IGSF11: variants seen among roughly 807,000 people sequenced by gnomAD.
The protein encoded by IGSF11 is immunoglobulin superfamily member 11, also known as CXADR like 1.
A neutral mutation model predicts 41.0 loss-of-function variants in IGSF11; 22 were observed. The observed-to-expected ratio is 0.54, with a 90% confidence interval of 0.38 to 0.77. IGSF11 has a LOEUF of 0.77. Among genes scored for constraint, IGSF11 ranks in the 30% least tolerant of loss-of-function variants. The pLI is 0.00. For missense variants in IGSF11, 444 were observed against 530.8 expected, an observed-to-expected ratio of 0.84 and a Z score of 1.61; for synonymous variants, 219 against 201.3, an observed-to-expected ratio of 1.09 and a Z score of -0.74.
At chr3:119,018,121 T>C (rs1938929196) in intron 1 of IGSF11, among the ~76,000 whole-genome samples, 1 of 152,184 alleles carries the variant, frequency 6.6e-6, no homozygotes. Context: ...ATAACACATT[T>C]ATTTGATACA....
chr3:118,949,324 G>GAAAAA, intron 1 of IGSF11: 2 of 111,618 alleles, frequency 1.8e-5, no homozygotes, highest in Non-Finnish European at 1.9e-5. Flanking sequence ...GCCACCTGAG[G>GAAAAA]AAAAAAAAAA....
intron 1 of IGSF11, among the ~76,000 whole-genome samples, chr3:118,976,425 A>C (rs1934110679): frequency 6.6e-6 from 1 of 152,192 alleles, no homozygotes; most frequent in South Asian, 2.1e-4. Context: ...GGAAATCCCG[A>C]AGGCATGACC....
intron 1 of IGSF11, among the ~76,000 whole-genome samples, chr3:119,104,397 T>A (rs1423033466): frequency 6.6e-6 from 1 of 152,172 alleles, no homozygotes; most frequent in Non-Finnish European, 1.5e-5. Flanking sequence ...ATGTAATATG[T>A]TCTTCTCTTT....
chr3:118,933,489 T>TAGAC, intron 1 of IGSF11, among the ~76,000 whole-genome samples: 1 of 148,804 alleles, frequency 6.7e-6, no homozygotes, highest in East Asian at 2.0e-4. Flanking sequence ...TATATATATA[T>TAGAC]ACACACACAC....
intron 4 of IGSF11, among the ~76,000 whole-genome samples, chr3:118,923,548 T>A (rs1942025239): frequency 6.6e-6 from 1 of 152,216 alleles, no homozygotes; most frequent in Admixed American, 6.5e-5. Flanking sequence ...CTGTTCAGAT[T>A]CTAAGCCAAG....
chr3:119,073,811 C>T (rs1264186847), intron 1 of IGSF11, among the ~76,000 whole-genome samples: 1 of 152,214 alleles, frequency 6.6e-6, no homozygotes. Context: ...GCAGAGGGAG[C>T]TGGCTCCCGC....
intron 1 of IGSF11, among the ~76,000 whole-genome samples, chr3:119,054,273 C>A (rs1260094922): frequency 6.6e-6 from 1 of 152,024 alleles, no homozygotes; most frequent in Non-Finnish European, 1.5e-5. Context: ...TGCATCTTCA[C>A]AAACTATGTA....
upstream of IGSF11, among the ~76,000 whole-genome samples, chr3:119,107,431 G>A (rs1229142119): frequency 1.3e-5 from 2 of 152,158 alleles, no homozygotes; most frequent in Non-Finnish European, 2.9e-5. Flanking sequence ...TTTTGATGGG[G>A]TTGTTTGTTT....
At chr3:119,018,579 T>C (rs1367856680) in intron 1 of IGSF11, among the ~76,000 whole-genome samples, 1 of 152,242 alleles carries the variant, frequency 6.6e-6, no homozygotes, top group African/African-American at 2.4e-5. Flanking sequence ...TTCCAGGCTC[T>C]TAACTATAGG....
chr3:119,088,263 C>T (rs958535909), intron 1 of IGSF11, among the ~76,000 whole-genome samples: 10 of 151,462 alleles, frequency 6.6e-5, no homozygotes, highest in African/African-American at 2.4e-4. Flanking sequence ...AAATCAATAT[C>T]AAGAAGATCT....
chr3:119,047,784 T>G (rs1237814139), intron 1 of IGSF11, among the ~76,000 whole-genome samples: 1 of 151,652 alleles, frequency 6.6e-6, no homozygotes, highest in African/African-American at 2.4e-5. Flanking sequence ...GAACAGAAAT[T>G]ATAACAAACT....
Position 118,911,073 on chromosome 3 carries a change from C to T in IGSF11, c.581-5355G>A, listed in dbSNP as rs531805082. Among the ~76,000 whole-genome samples, 40 of 152,252 alleles carry T rather than the reference C, an allele frequency of 2.6e-4. No individual in the cohort carries two copies. In the South Asian group the frequency reaches 8.1e-3, roughly 31 times the overall value. On this transcript the variant is annotated intron_variant, in intron 4 of 6. Transcript: ENST00000393775. ...TTGTATTTCTCCACCTGCCCCAACACTCAACTCTGAAGCAGTTGCAGAGTA... is the reference window on the plus strand; with the variant it reads ...TTGTATTTCTCCACCTGCCCCAACATTCAACTCTGAAGCAGTTGCAGAGTA...
At chr3:119,041,310 G>T in intron 1 of IGSF11, among the ~76,000 whole-genome samples, 1 of 152,184 alleles carries the variant, frequency 6.6e-6, no homozygotes, top group Non-Finnish European at 1.5e-5. Context: ...GGCCAGATGT[G>T]GTGGCTCACG....
At chr3:118,954,796 C>A (rs895243818) in intron 1 of IGSF11, among the ~76,000 whole-genome samples, 1 of 151,940 alleles carries the variant, frequency 6.6e-6, no homozygotes, top group Non-Finnish European at 1.5e-5. Flanking sequence ...GATTGATAGA[C>A]CACAGAATGA....
chr3:118,989,282 A>ATT (rs569550488), intron 1 of IGSF11, among the ~76,000 whole-genome samples: 1,659 of 152,350 alleles, frequency 0.011, 25 homozygotes, highest in Non-Finnish European at 0.013. Context: ...AGACCTGTGA[A>ATT]TTGTTGGTTG....
At chr3:119,115,501 A>G (rs1019505672) in intron 1 of IGSF11, among the ~76,000 whole-genome samples, 8 of 152,174 alleles carry the variant, frequency 5.3e-5, no homozygotes, top group African/African-American at 1.9e-4. Context: ...CTGATGATCA[A>G]TTATGTTGAG....
chr3:119,086,783 C>T (rs182609921), intron 1 of IGSF11, among the ~76,000 whole-genome samples: 3 of 152,256 alleles, frequency 2.0e-5, no homozygotes, highest in South Asian at 2.1e-4. Context: ...GAATCCAACA[C>T]CTGCTACCAC....
intron 1 of IGSF11, among the ~76,000 whole-genome samples, chr3:119,041,219 ATGTT>A (rs1202823729): frequency 6.6e-6 from 1 of 152,250 alleles, no homozygotes; most frequent in Non-Finnish European, 1.5e-5. Flanking sequence ...CACTTTGAAA[ATGTT>A]AGTTAACAAA....
At position 119,066,881 on chromosome 3, in the gene IGSF11, C is replaced by A. The variant is rs141851422; in HGVS notation, c.49+38263G>T. Among the ~76,000 whole-genome samples the A allele has an allele frequency of 2.9e-3, 436 of 152,262 alleles. 3 individuals are homozygous for A. Among genetic ancestry groups the A allele is most frequent in the African/African-American group, 9.7e-3 (401 of 41,550 alleles). On this transcript the variant is annotated intron_variant, in intron 1 of 6. Transcript: ENST00000354673. ...AGATATTATACTTTTTAGTTTTATA[C>A]ATCTATTTCATTTCTTAGAGATTCC...
Sources: allele counts gnomAD v4.1 joint callset (sites outside exome capture counted in the v4.1 genomes callset), GRCh38; gene constraint gnomAD v4.1.1; transcripts MANE v1.5; gene names NCBI Gene and HGNC (gene_info 2026-07-23, HGNC 2026-07-21).